The following GFOD1 variants were observed in gnomAD, a reference collection of about 807,000 sequenced individuals.
GFOD1 encodes the protein glucose-fructose oxidoreductase domain-containing protein 1.
Under a neutral mutation model 25.4 loss-of-function variants are expected in GFOD1, and 9 were observed. That is an observed-to-expected ratio of 0.35 (90% confidence interval 0.21 to 0.62). The LOEUF is 0.62. Among genes scored for constraint, GFOD1 ranks in the 20% least tolerant of loss-of-function variants. GFOD1 has a pLI of 0.72. For missense variants in GFOD1, 403 were observed against 556.9 expected, an observed-to-expected ratio of 0.72 and a Z score of 2.78; for synonymous variants, 253 against 245.6, an observed-to-expected ratio of 1.03 and a Z score of -0.28.
intron 1 of GFOD1, among the ~76,000 whole-genome samples, chr6:13,417,418 G>T (rs1786181146): frequency 6.6e-6 from 1 of 152,208 alleles, no homozygotes; most frequent in African/African-American, 2.4e-5. Context: ...CTCCCAAAGT[G>T]CTGGGATTAC....
At chr6:13,443,661 CA>C (rs1216328845) in intron 1 of GFOD1, among the ~76,000 whole-genome samples, 1 of 151,704 alleles carries the variant, frequency 6.6e-6, no homozygotes, top group Non-Finnish European at 1.5e-5. Context: ...ACTAAAAATA[CA>C]AAAATTAGCT....
intron 1 of GFOD1, among the ~76,000 whole-genome samples, chr6:13,367,266 G>T (rs1311110215): frequency 6.6e-6 from 1 of 152,172 alleles, no homozygotes; most frequent in Non-Finnish European, 1.5e-5. Flanking sequence ...CCCTTTGAAG[G>T]TCTAAGCTTT....
chr6:13,378,530 C>T lies in GFOD1; in HGVS notation c.254-12868G>A, dbSNP rs574929593. Among the ~76,000 whole-genome samples the T allele has an allele frequency of 1.2e-4, 19 of 152,316 alleles. 1 individual carries two copies. Among genetic ancestry groups the T allele is most frequent in the African/African-American group, 3.8e-4 (16 of 41,572 alleles). On this transcript the variant is annotated intron_variant, in intron 1 of 1. Transcript: ENST00000379287. ...TTGCTCCATATCCATGGCAGTGAAC[C>T]TGCTGGGACAACTGAAAGATTATTA...
chr6:13,361,330 C>A lies in GFOD1; in HGVS notation c.*3413G>T, dbSNP rs547095009. ...TACCAGGTAAGAACCCTGACCCACA[C>A]CCTCCCTCATAACTTGGAATCTAGG... is the stretch of plus-strand genomic sequence containing the variant. On this transcript the variant is annotated 3_prime_UTR_variant, in exon 2 of 2. Coordinates refer to ENST00000379287, the MANE Select transcript of GFOD1 (RefSeq NM_018988.4). 1 of 160,886 alleles carries A rather than the reference C, an allele frequency of 6.2e-6. No individual in the cohort carries two copies. The highest frequency in any genetic ancestry group is 1.4e-5 in the Non-Finnish European group (1 of 72,770). 10.0% of individuals were successfully genotyped at this position (160,886 alleles called of 1,614,324 possible).
At chr6:13,438,572 A>T (rs1188696841) in intron 1 of GFOD1, among the ~76,000 whole-genome samples, 1 of 152,110 alleles carries the variant, frequency 6.6e-6, no homozygotes, top group Non-Finnish European at 1.5e-5. Flanking sequence ...ATATATTAAT[A>T]TTAATATATA....
chr6:13,412,067 C>T (rs1786086551), intron 1 of GFOD1, among the ~76,000 whole-genome samples: 1 of 152,214 alleles, frequency 6.6e-6, no homozygotes. Context: ...AAGAGCAATT[C>T]CAGCCTTAGC....
intron 1 of GFOD1, among the ~76,000 whole-genome samples, chr6:13,434,414 G>A: frequency 6.7e-6 from 1 of 148,514 alleles, no homozygotes; most frequent in Non-Finnish European, 1.5e-5. Context: ...CAAGTGCAGA[G>A]CATTATGGAA....
At chr6:13,413,607 T>G (rs781563621) in intron 1 of GFOD1, among the ~76,000 whole-genome samples, 2 of 152,130 alleles carry the variant, frequency 1.3e-5, no homozygotes, top group Admixed American at 6.5e-5. Context: ...CTGAAAAGAA[T>G]GTATGAGCAT....
At chr6:13,436,970 T>C (rs929499041) in intron 1 of GFOD1, among the ~76,000 whole-genome samples, 12 of 152,250 alleles carry the variant, frequency 7.9e-5, no homozygotes, top group African/African-American at 2.7e-4. Context: ...GCCAAGCTGC[T>C]GGTCCAACGG....
chr6:13,382,974 C>T (rs761579410), intron 1 of GFOD1, among the ~76,000 whole-genome samples: 11 of 152,200 alleles, frequency 7.2e-5, no homozygotes, highest in South Asian at 6.2e-4. Context: ...CCAGCTCCAT[C>T]CATGTCCCTG....
intron 1 of GFOD1, among the ~76,000 whole-genome samples, chr6:13,419,662 G>A (rs1008418549): frequency 3.9e-5 from 6 of 152,110 alleles, no homozygotes; most frequent in Non-Finnish European, 7.3e-5. Context: ...CCTCTGCAGC[G>A]CCCGTGCCGC....
chr6:13,478,545 C>T (rs971786624), intron 1 of GFOD1, among the ~76,000 whole-genome samples: 1 of 152,252 alleles, frequency 6.6e-6, no homozygotes, highest in Non-Finnish European at 1.5e-5. Context: ...AATCCCTCCA[C>T]CCCTCCAGCA....
At chr6:13,374,613 A>G (rs1306109509) in intron 1 of GFOD1, among the ~76,000 whole-genome samples, 2 of 151,382 alleles carry the variant, frequency 1.3e-5, no homozygotes, top group African/African-American at 4.9e-5. Context: ...GCCAAAAATA[A>G]GTTTTTTTAA....
At chr6:13,461,375 C>T (rs966752699) in intron 1 of GFOD1, among the ~76,000 whole-genome samples, 1 of 152,206 alleles carries the variant, frequency 6.6e-6, no homozygotes, top group Non-Finnish European at 1.5e-5. Context: ...CCAGCCTTTA[C>T]AGGCCCAGCC....
chr6:13,382,994 T>C (rs956059270), intron 1 of GFOD1, among the ~76,000 whole-genome samples: 3 of 152,238 alleles, frequency 2.0e-5, no homozygotes, highest in African/African-American at 7.2e-5. Flanking sequence ...GCAAAGGACA[T>C]GATCTCATTC....
chr6:13,464,165 C>T (rs185037478), intron 1 of GFOD1, among the ~76,000 whole-genome samples: 183 of 152,278 alleles, frequency 1.2e-3, no homozygotes, highest in African/African-American at 4.0e-3. Flanking sequence ...GTCTGCTCCA[C>T]AGTGCCACAC....
At chr6:13,423,726 A>G (rs1786299981) in intron 1 of GFOD1, among the ~76,000 whole-genome samples, 1 of 152,162 alleles carries the variant, frequency 6.6e-6, no homozygotes, top group South Asian at 2.1e-4. Flanking sequence ...TTCCCACTAC[A>G]TGGCCCTACA....
At chr6:13,388,741 A>G (rs1296211961) in intron 1 of GFOD1, among the ~76,000 whole-genome samples, 1 of 152,260 alleles carries the variant, frequency 6.6e-6, no homozygotes, top group East Asian at 1.9e-4. Context: ...AGCAACGGCA[A>G]CAAAAGCCAA....
intron 1 of GFOD1, among the ~76,000 whole-genome samples, chr6:13,386,198 T>G (rs200665806): frequency 4.8e-5 from 2 of 41,300 alleles, no homozygotes; most frequent in Non-Finnish European, 1.4e-4. Flanking sequence ...AATTACTTTA[T>G]TTTTTTTAAA....
Sources: allele counts gnomAD v4.1 joint callset (sites outside exome capture counted in the v4.1 genomes callset), GRCh38; gene constraint gnomAD v4.1.1; transcripts MANE v1.5; gene names NCBI Gene and HGNC (gene_info 2026-07-23, HGNC 2026-07-21).